Variants in BLTP3B observed in about 807,000 individuals in gnomAD.
The protein encoded by BLTP3B is bridge-like lipid transfer protein family member 3B.
the BLTP3B span, chr12:100,060,087 T>C: frequency 7.0e-7 from 1 of 1,429,400 alleles, no homozygotes. Flanking sequence ...ATTGGATGGT[T>C]CTAAATCTTC....
At chr12:100,124,936 T>TATA in the BLTP3B span, among the ~76,000 whole-genome samples, 12 of 56,530 alleles carry the variant, frequency 2.1e-4, no homozygotes, top group East Asian at 2.2e-3. Flanking sequence ...AAAAAAAATT[T>TATA]TATATATATA....
chr12:100,138,279 ATTC>A, the BLTP3B span, among the ~76,000 whole-genome samples: 1 of 152,184 alleles, frequency 6.6e-6, no homozygotes, highest in Non-Finnish European at 1.5e-5. Context: ...TTGTTCAGAT[ATTC>A]TTCTGCTTTC....
At chr12:100,037,150 A>C in the BLTP3B span, 2 of 885,324 alleles carry the variant, frequency 2.3e-6, no homozygotes, top group Non-Finnish European at 1.4e-6. Flanking sequence ...AGATTTAAGT[A>C]CATAATTTTA....
the BLTP3B span, among the ~76,000 whole-genome samples, chr12:100,130,961 T>TATATAG: frequency 5.3e-5 from 5 of 93,588 alleles, no homozygotes; most frequent in African/African-American, 2.6e-4. Context: ...TATATATATA[T>TATATAG]AGAGAGAGAG....
At chr12:100,092,496 A>G in the BLTP3B span, among the ~76,000 whole-genome samples, 8 of 152,200 alleles carry the variant, frequency 5.3e-5, no homozygotes, top group African/African-American at 1.7e-4. Flanking sequence ...CCTGTAAGAA[A>G]ATACCTCAAA....
At chr12:100,059,487 G>A in the BLTP3B span, 1 of 1,609,190 alleles carries the variant, frequency 6.2e-7, no homozygotes, top group Non-Finnish European at 8.5e-7. Flanking sequence ...AATTGCACGT[G>A]GCTGATCTTG....
chr12:100,137,435 A>G, the BLTP3B span, among the ~76,000 whole-genome samples: 10 of 152,068 alleles, frequency 6.6e-5, no homozygotes, highest in African/African-American at 2.2e-4. Flanking sequence ...GAATGTCCAT[A>G]ATGAATATTC....
At chr12:100,082,628 G>C in the BLTP3B span, among the ~76,000 whole-genome samples, 1 of 152,194 alleles carries the variant, frequency 6.6e-6, no homozygotes, top group Non-Finnish European at 1.5e-5. Context: ...AGTTATCCCA[G>C]CAACATTATT....
the BLTP3B span, among the ~76,000 whole-genome samples, chr12:100,136,279 GTTT>G: frequency 6.7e-5 from 10 of 150,220 alleles, no homozygotes; most frequent in African/African-American, 2.4e-4. Context: ...ATTTAAATCA[GTTT>G]TTTTCCTAGT....
the BLTP3B span, among the ~76,000 whole-genome samples, chr12:100,111,050 G>A: frequency 1.3e-5 from 2 of 152,058 alleles, no homozygotes; most frequent in Admixed American, 1.3e-4. Flanking sequence ...AAGAAAAAAA[G>A]AGTGAAAACA....
At chr12:100,086,980 GA>G in the BLTP3B span, among the ~76,000 whole-genome samples, 1 of 151,990 alleles carries the variant, frequency 6.6e-6, no homozygotes, top group Non-Finnish European at 1.5e-5. Context: ...CCAACATAGT[GA>G]AACTCCGTCT....
the BLTP3B span, chr12:100,083,226 G>T: frequency 1.2e-6 from 1 of 802,148 alleles, no homozygotes; most frequent in South Asian, 1.6e-5. Flanking sequence ...AAATATATGT[G>T]AATACTAACT....
At chr12:100,037,181 C>T in the BLTP3B span, 1 of 919,668 alleles carries the variant, frequency 1.1e-6, no homozygotes, top group Non-Finnish European at 1.3e-6. Flanking sequence ...AAATGTAAGC[C>T]TCTTTTCATT....
the BLTP3B span, among the ~76,000 whole-genome samples, chr12:100,096,281 T>C: frequency 6.6e-6 from 1 of 151,822 alleles, no homozygotes; most frequent in Non-Finnish European, 1.5e-5. Flanking sequence ...TAGTATTTAC[T>C]GAGTTCCTAT....
the BLTP3B span, among the ~76,000 whole-genome samples, chr12:100,070,948 G>A: frequency 7.3e-3 from 1,107 of 152,004 alleles, 4 homozygotes; most frequent in Middle Eastern, 0.017. Context: ...AGCTGAGATC[G>A]CACCACTGCA....
chr12:100,108,566 T>C, the BLTP3B span: 5 of 1,587,870 alleles, frequency 3.1e-6, no homozygotes, highest in Middle Eastern at 2.1e-4. Flanking sequence ...AGAATACACA[T>C]TGACATTTAT....
the BLTP3B span, among the ~76,000 whole-genome samples, chr12:100,126,656 A>G: frequency 6.6e-6 from 1 of 152,210 alleles, no homozygotes; most frequent in African/African-American, 2.4e-5. Flanking sequence ...AAAGATTTTT[A>G]GCAAGAAATT....
At chr12:100,080,716 G>A in the BLTP3B span, among the ~76,000 whole-genome samples, 4 of 152,134 alleles carry the variant, frequency 2.6e-5, no homozygotes, top group Non-Finnish European at 4.4e-5. Flanking sequence ...ACAGGACATT[G>A]GACTGTGGAC....
At chr12:100,066,629 T>TGAA in the BLTP3B span, among the ~76,000 whole-genome samples, 2 of 136,116 alleles carry the variant, frequency 1.5e-5, no homozygotes, top group South Asian at 2.3e-4. Context: ...CTGTCTCTAC[T>TGAA]AAAAAAAAAA....
Sources: gnomAD v4.1 joint callset for allele counts (sites outside exome capture counted in the v4.1 genomes callset) on GRCh38, gnomAD v4.1.1 for gene constraint, MANE v1.5 for transcripts, NCBI Gene and HGNC (gene_info 2026-07-23, HGNC 2026-07-21) for gene names.